The following STOML3 variants were observed in gnomAD, a reference collection of about 807,000 sequenced individuals.
The protein encoded by STOML3 is stomatin-like protein 3.
Under a neutral mutation model 29.5 loss-of-function variants are expected in STOML3, and 31 were observed. The observed-to-expected ratio is 1.05, with a 90% CI of 0.79 to 1.42. The LOEUF is 1.42. STOML3 is among the 40% of genes most tolerant of loss of function. The pLI is 0.00. For missense variants in STOML3, 380 were observed against 363.0 expected, an observed-to-expected ratio of 1.05 and a Z score of -0.38; for synonymous variants, 122 against 139.8, an observed-to-expected ratio of 0.87 and a Z score of 0.90.
At chr13:38,984,027 C>T (rs11840611) in intron 1 of STOML3, among the ~76,000 whole-genome samples, 1 of 151,968 alleles carries the variant, frequency 6.6e-6, no homozygotes, top group Non-Finnish European at 1.5e-5. Context: ...CATCCCCCCC[C>T]ACAGCAGCTT....
At chr13:38,972,714 A>C in intron 3 of STOML3, 120 bp from the exon 4 acceptor site, 1 of 791,288 alleles carries the variant, frequency 1.3e-6, no homozygotes, top group Non-Finnish European at 2.1e-6. Flanking sequence ...GATCCTCAAT[A>C]TGCACACATG....
rs1448643882 is a variant in STOML3 at position 38,990,804 on chromosome 13, G to C, written c.-83C>G. 7 of 1,289,060 alleles carry C rather than the reference G, an allele frequency of 5.4e-6. No homozygotes were observed. The highest frequency in any genetic ancestry group is 1.7e-5 in the Admixed American group (1 of 58,014). 79.9% of individuals were successfully genotyped at this position (1,289,060 alleles called of 1,614,324 possible). Reference sequence around the variant, plus strand: ...GAAGAACAGGCAGCAACTCAGATGTGCTTGGGAGAGGGGAGAGGAGAAAGT... The same window carrying C: ...GAAGAACAGGCAGCAACTCAGATGTCCTTGGGAGAGGGGAGAGGAGAAAGT... On this transcript the variant is annotated 5_prime_UTR_variant, in exon 1 of 7. Coordinates refer to ENST00000379631, the MANE Select transcript of STOML3 (RefSeq NM_145286.3).
intron 3 of STOML3, among the ~76,000 whole-genome samples, chr13:38,973,007 C>T (rs370863113): frequency 6.7e-6 from 1 of 148,950 alleles, no homozygotes; most frequent in Non-Finnish European, 1.5e-5. Context: ...GCCTGTAATC[C>T]CAGCACTCTG....
At chr13:38,985,866 C>CA in intron 1 of STOML3, among the ~76,000 whole-genome samples, 1 of 140,314 alleles carries the variant, frequency 7.1e-6, no homozygotes, top group Non-Finnish European at 1.5e-5. Flanking sequence ...GAATATTAAC[C>CA]AAAATATTAA....
intron 1 of STOML3, chr13:38,979,975 T>C: frequency 6.9e-7 from 1 of 1,444,476 alleles, no homozygotes; most frequent in Non-Finnish European, 9.5e-7. Flanking sequence ...AGCCAAGCCC[T>C]GGACATTTCC....
At chr13:38,988,609 T>C (rs867773212) in intron 1 of STOML3, among the ~76,000 whole-genome samples, 2 of 128,196 alleles carry the variant, frequency 1.6e-5, no homozygotes, top group South Asian at 4.5e-4. Context: ...TTATATATCA[T>C]ATATTTTATA....
intron 1 of STOML3, among the ~76,000 whole-genome samples, chr13:38,985,937 TGAGA>T (rs1463655647): frequency 1.4e-5 from 2 of 138,836 alleles, no homozygotes; most frequent in Admixed American, 7.6e-5. Flanking sequence ...TTTTTTTGTT[TGAGA>T]GAGAGTCTTG....
intron 1 of STOML3, among the ~76,000 whole-genome samples, chr13:38,986,829 C>A (rs1172347628): frequency 6.6e-6 from 1 of 152,110 alleles, no homozygotes; most frequent in East Asian, 1.9e-4. Flanking sequence ...GGTTTGGATG[C>A]AAAATCTTAA....
intron 5 of STOML3, among the ~76,000 whole-genome samples, chr13:38,969,755 T>C (rs1880793149): frequency 6.6e-6 from 1 of 152,182 alleles, no homozygotes; most frequent in African/African-American, 2.4e-5. Flanking sequence ...GGTGTAAGAA[T>C]TTCTAGAGAT....
At position 38,970,381 on chromosome 13, in the gene STOML3, G is replaced by A. The variant is rs766285978; in HGVS notation, c.320C>T (p.Thr107Ile). Residue 107 changes from threonine to isoleucine, a missense_variant, in exon 5 of 7, where the codon ACC (threonine) becomes ATC (isoleucine). Thr to Ile is a moderately conservative substitution (Grantham distance 89). Coordinates refer to ENST00000379631, the MANE Select transcript of STOML3 (RefSeq NM_145286.3). ...TACCTGAGTAGTTACGGAGTCTCTG[G>A]TGAGGATCTGTGGAGTAAGAACAGG... ...TCNIPPQEIL[T>I]RDSVTTQVDG... 2 of 1,613,936 alleles carry A rather than the reference G, an allele frequency of 1.2e-6. No homozygotes were observed. Among genetic ancestry groups the A allele is most frequent in the African/African-American group, 1.3e-5 (1 of 75,034 alleles).
chr13:38,977,826 C>G (rs1881139593), intron 1 of STOML3, among the ~76,000 whole-genome samples: 1 of 130,288 alleles, frequency 7.7e-6, no homozygotes, highest in African/African-American at 2.8e-5. Flanking sequence ...GTGGCGCGCT[C>G]TTGGCTCACT....
In STOML3 at chr13:38,972,501, A is replaced by G. The variant is rs773043599; in HGVS notation, c.312+11T>C. 6.2e-7 allele frequency: 1 copy of G among 1,611,716 alleles called. No homozygotes were observed. Among genetic ancestry groups the G allele is most frequent in the Admixed American group, 1.7e-5 (1 of 59,854 alleles). ...TTTAATTTCGAGTGACATATCCTTA[A>G]TCAGTACTACCTCTTGTGGAGGAAT... On this transcript the variant is annotated intron_variant, in intron 4 of 6. Transcript: ENST00000379631.
At position 38,972,471 on chromosome 13, in the gene STOML3, A is replaced by G. The variant is rs1410723312; in HGVS notation, c.312+41T>C. On this transcript the variant is annotated intron_variant, in intron 4 of 6. Transcript: ENST00000379631. The stretch of plus-strand genomic sequence containing the variant: ...TAATTGTCCTTATAATAGAGAAAAT[A>G]CAAGTTTAATTTCGAGTGACATATC... 5 of 1,574,314 alleles carry G rather than the reference A, an allele frequency of 3.2e-6. No homozygotes were observed. In the Admixed American group the frequency reaches 6.8e-5, roughly 21 times the overall value.
intron 1 of STOML3, 122 bp downstream of exon 1, chr13:38,990,548 T>G (rs752501937): frequency 1.1e-4 from 96 of 897,400 alleles, no homozygotes; most frequent in Non-Finnish European, 1.4e-4. Flanking sequence ...GGGCTATAAA[T>G]GAAATTGAGG....
rs188614560 is a variant in STOML3 at position 38,980,158 on chromosome 13, A to T, written c.53-3361T>A. On this transcript the variant is annotated intron_variant, in intron 1 of 6. Transcript: ENST00000379631. ...GTGCTGAGAGAGACAAGAGAAGAGA[A>T]TGTGACTATTCTTCCAAGATTTACA... 45 of 1,545,538 alleles carry T rather than the reference A, an allele frequency of 2.9e-5. No individual in the cohort carries two copies. In the Middle Eastern group the frequency reaches 8.4e-4, roughly 29 times the overall value.
intron 5 of STOML3, among the ~76,000 whole-genome samples, chr13:38,969,205 C>A (rs1198992830): frequency 6.6e-6 from 1 of 152,198 alleles, no homozygotes; most frequent in Admixed American, 6.5e-5. Flanking sequence ...GTCAAAGATA[C>A]TCTTGTCTTT....
chr13:38,986,035 G>GTTTTTTTTTTTTTTTTTTTTGGT (rs1868522110), intron 1 of STOML3, among the ~76,000 whole-genome samples: 1 of 70,690 alleles, frequency 1.4e-5, no homozygotes, highest in Non-Finnish European at 2.6e-5. Flanking sequence ...TATTTACCTG[G>GTTTTTTTTTTTTTTTTTTTTGGT]TTTTTTTTTT....
In STOML3 at chr13:38,976,600, A is replaced by G. The variant is rs1312530689; in HGVS notation, c.169T>C (p.Tyr57His). 2 of 1,613,860 alleles carry G rather than the reference A, an allele frequency of 1.2e-6. No homozygotes were observed. The highest frequency in any genetic ancestry group is 1.1e-5 in the South Asian group (1 of 91,060). Residue 57 changes from tyrosine to histidine, a missense_variant, in exon 3 of 7, where the codon TAT (tyrosine) becomes CAT (histidine). Coordinates refer to ENST00000379631, the MANE Select transcript of STOML3 (RefSeq NM_145286.3). The stretch of plus-strand genomic sequence containing the variant: ...AGACGGAATACAACAGCACGTTCAT[A>G]CTCCTTAATGATCTAGGAGATTAAG... ...IWMCLKIIKE[Y>H]ERAVVFRLGR...
At chr13:38,971,241 CA>C (rs1880856431) in intron 4 of STOML3, among the ~76,000 whole-genome samples, 1 of 152,096 alleles carries the variant, frequency 6.6e-6, no homozygotes, top group Non-Finnish European at 1.5e-5. Context: ...CCATGTTGGC[CA>C]GGCTGGTCTT....
Sources: gnomAD v4.1 joint callset for allele counts (sites outside exome capture counted in the v4.1 genomes callset) on GRCh38, gnomAD v4.1.1 for gene constraint, MANE v1.5 for transcripts, NCBI Gene and HGNC (gene_info 2026-07-23, HGNC 2026-07-21) for gene names.